NAV2: variants seen among roughly 807,000 people sequenced by gnomAD.
NAV2 encodes helicase, APC down-regulated 1.
NAV2 carries 54 observed loss-of-function variants against 223.2 expected under a neutral mutation model. That is an observed-to-expected ratio of 0.24 (90% CI 0.19 to 0.30). The LOEUF (loss-of-function observed/expected upper bound fraction) is 0.30, where lower values mean the gene tolerates loss of function less well. NAV2 is among the 10% of genes least tolerant of loss of function. The pLI, the probability that NAV2 is intolerant of heterozygous loss-of-function variation, is 1.00. For missense variants in NAV2, 2,806 were observed against 3,147.5 expected, an observed-to-expected ratio of 0.89 and a Z score of 2.60; for synonymous variants, 1,279 against 1,239.3, an observed-to-expected ratio of 1.03 and a Z score of -0.67.
chr11:19,922,329 T>C (rs1321220083), intron 6 of NAV2, among the ~76,000 whole-genome samples: 1 of 151,936 alleles, frequency 6.6e-6, no homozygotes, highest in Non-Finnish European at 1.5e-5. Context: ...TTCAGAAGAG[T>C]TCTTCTACCG....
chr11:19,971,025 T>C (rs2049192129), intron 10 of NAV2, among the ~76,000 whole-genome samples: 1 of 152,092 alleles, frequency 6.6e-6, no homozygotes, highest in Non-Finnish European at 1.5e-5. Context: ...CTAAAAGACA[T>C]CCTGTATTTC....
intron 10 of NAV2, among the ~76,000 whole-genome samples, chr11:19,970,584 T>G (rs1301219775): frequency 1.3e-5 from 2 of 152,210 alleles, no homozygotes; most frequent in African/African-American, 4.8e-5. Context: ...AGCAAAAGTA[T>G]TGGTTCTGAA....
At chr11:19,527,573 A>G (rs1336347570) in intron 1 of NAV2, among the ~76,000 whole-genome samples, 3 of 152,024 alleles carry the variant, frequency 2.0e-5, no homozygotes, top group Non-Finnish European at 1.5e-5. Flanking sequence ...TCTCCAGCCC[A>G]TTGAAACTGC....
intron 1 of NAV2, among the ~76,000 whole-genome samples, chr11:19,747,884 C>T (rs1231769155): frequency 6.6e-6 from 1 of 152,204 alleles, no homozygotes; most frequent in African/African-American, 2.4e-5. Context: ...GCTTCCGGCC[C>T]AGGTAGAGAC....
intron 1 of NAV2, chr11:19,351,136 G>A (rs1334961890): frequency 6.2e-6 from 7 of 1,126,218 alleles, no homozygotes; most frequent in East Asian, 2.6e-5. Flanking sequence ...CTTTCTCTCC[G>A]GAAGGAGGTA....
chr11:19,411,846 A>C (rs1271723060), intron 1 of NAV2, among the ~76,000 whole-genome samples: 1 of 152,140 alleles, frequency 6.6e-6, no homozygotes, highest in Non-Finnish European at 1.5e-5. Flanking sequence ...TGCACTGGGG[A>C]GTAAATGTCC....
intron 1 of NAV2, 173 bp downstream of exon 1, chr11:19,714,135 G>A: frequency 8.3e-6 from 8 of 962,690 alleles, no homozygotes; most frequent in Non-Finnish European, 1.1e-5. Flanking sequence ...TGGGCCGGCC[G>A]GTGGGTGTGG....
intron 17 of NAV2, among the ~76,000 whole-genome samples, chr11:20,053,243 AG>A (rs1352775415): frequency 9.7e-4 from 115 of 118,630 alleles, no homozygotes; most frequent in Middle Eastern, 4.7e-3. Flanking sequence ...AAAAAAAAAA[AG>A]GAAAGAAATT....
At chr11:19,641,497 T>G in intron 1 of NAV2, among the ~76,000 whole-genome samples, 1 of 152,054 alleles carries the variant, frequency 6.6e-6, no homozygotes, top group East Asian at 1.9e-4. Flanking sequence ...GTTGAAACCC[T>G]TGGAAGAAGG....
intron 11 of NAV2, among the ~76,000 whole-genome samples, chr11:20,032,514 G>T (rs117919046): frequency 6.6e-6 from 1 of 152,178 alleles, no homozygotes; most frequent in Non-Finnish European, 1.5e-5. Context: ...CTCCCTGCCA[G>T]CCACGGTCCT....
chr11:20,043,229 T>C (rs570497196), intron 12 of NAV2, among the ~76,000 whole-genome samples: 3 of 152,028 alleles, frequency 2.0e-5, no homozygotes, highest in East Asian at 3.9e-4. Flanking sequence ...GGTGCAGTGA[T>C]GGGAAGAAGG....
At chr11:19,608,867 A>G in intron 1 of NAV2, among the ~76,000 whole-genome samples, 1 of 152,172 alleles carries the variant, frequency 6.6e-6, no homozygotes, top group East Asian at 1.9e-4. Flanking sequence ...AGGGAGAATC[A>G]ATTTCCTTGT....
intron 1 of NAV2, among the ~76,000 whole-genome samples, chr11:19,351,226 G>C (rs113368024): frequency 1.9e-4 from 29 of 152,162 alleles, no homozygotes; most frequent in African/African-American, 6.7e-4. Context: ...ATAAAGAAAA[G>C]GGAAAAAAAA....
intron 1 of NAV2, among the ~76,000 whole-genome samples, chr11:19,549,291 G>A (rs1258494111): frequency 6.6e-6 from 1 of 152,244 alleles, no homozygotes; most frequent in Non-Finnish European, 1.5e-5. Flanking sequence ...AACCTGGGAT[G>A]GTTAAAAAAG....
At position 19,939,718 on chromosome 11, in the gene NAV2, C is replaced by G. The variant is rs749386261; in HGVS notation, c.2091C>G (p.Ser697Arg). The G allele has an allele frequency of 2.5e-6, 4 of 1,614,098 alleles. No individual in the cohort carries two copies. In the South Asian group the frequency reaches 3.3e-5, roughly 13 times the overall value. The stretch of plus-strand genomic sequence containing the variant: ...CCGAGTCAAGCTCAACAGGTGTGAG[C>G]GTGGAGCCCAGCCACTTCACCAAGA... ...VTAESSSTGV[S>R]VEPSHFTKTG... Residue 697 changes from serine to arginine, a missense_variant, in exon 8 of 38, where the codon AGC becomes AGG. Ser to Arg is a moderately radical substitution (Grantham distance 110, BLOSUM62 -1). Around this residue, in one of 4 missense-constraint regions of NAV2, gnomAD observed 1,167 missense variants for 1,180.5 expected, o/e 0.99. Transcript: ENST00000349880.
At chr11:20,042,634 C>T (rs181090021) in intron 12 of NAV2, among the ~76,000 whole-genome samples, 69 of 152,254 alleles carry the variant, frequency 4.5e-4, no homozygotes, top group Admixed American at 3.7e-3. Context: ...GCTTTTATCC[C>T]ATTCAGCCAT....
chr11:19,700,184 T>C (rs1174966134), intron 1 of NAV2, among the ~76,000 whole-genome samples: 1 of 152,216 alleles, frequency 6.6e-6, no homozygotes, highest in Non-Finnish European at 1.5e-5. Context: ...TTTAGTGTTT[T>C]ACCTATATTC....
At chr11:19,910,375 C>T (rs777410110) in intron 6 of NAV2, among the ~76,000 whole-genome samples, 4 of 152,096 alleles carry the variant, frequency 2.6e-5, no homozygotes, top group Non-Finnish European at 5.9e-5. Flanking sequence ...ATGAGTGGTC[C>T]AGGCAGTCAG....
chr11:20,094,455 C>T (rs2061096277), intron 29 of NAV2, among the ~76,000 whole-genome samples: 1 of 151,972 alleles, frequency 6.6e-6, no homozygotes, highest in South Asian at 2.1e-4. Flanking sequence ...GTCTCAAACT[C>T]CCGACCTTGT....
Sources: allele counts gnomAD v4.1 joint callset (sites outside exome capture counted in the v4.1 genomes callset), GRCh38; gene constraint gnomAD v4.1.1; regional missense constraint gnomAD v4.1.1; transcripts MANE v1.5; gene names NCBI Gene and HGNC (gene_info 2026-07-23, HGNC 2026-07-21).